Variants in SGCZ observed in about 807,000 individuals in gnomAD.
SGCZ encodes sarcoglycan zeta.
A neutral mutation model predicts 41.3 loss-of-function variants in SGCZ; 40 were observed. That is an observed-to-expected ratio of 0.97 (90% CI 0.75 to 1.26). The LOEUF (loss-of-function observed/expected upper bound fraction) is 1.26, where lower values mean the gene tolerates loss of function less well. Ranked by LOEUF, SGCZ falls within the 50% of genes most tolerant of loss-of-function variation. The pLI, the probability that SGCZ is intolerant of heterozygous loss-of-function variation, is 0.00. For synonymous variants in SGCZ, 206 were observed against 137.5 expected (o/e 1.50, Z -3.49); for missense variants, 552 against 369.8 (o/e 1.49, Z -4.04).
intron 1 of SGCZ, among the ~76,000 whole-genome samples, chr8:14,809,368 A>C (rs1801670745): frequency 6.6e-6 from 1 of 152,176 alleles, no homozygotes; most frequent in African/African-American, 2.4e-5. Flanking sequence ...TTTTGCTGGC[A>C]CTAAATGATT....
intron 1 of SGCZ, among the ~76,000 whole-genome samples, chr8:14,934,717 A>G (rs1800028620): frequency 6.6e-6 from 1 of 151,760 alleles, no homozygotes; most frequent in South Asian, 2.1e-4. Context: ...GTGATGAAAG[A>G]TATAAATTTT....
chr8:15,089,269 A>G (rs1214290890), intron 1 of SGCZ, among the ~76,000 whole-genome samples: 2 of 152,144 alleles, frequency 1.3e-5, no homozygotes, highest in African/African-American at 2.4e-5. Flanking sequence ...TTTTGTCTCC[A>G]TTGCTATTAT....
intron 1 of SGCZ, among the ~76,000 whole-genome samples, chr8:14,615,951 A>C (rs1156263713): frequency 6.6e-6 from 1 of 152,128 alleles, no homozygotes; most frequent in African/African-American, 2.4e-5. Context: ...AGTCCAGCTC[A>C]TGGATTAAGT....
chr8:14,737,770 T>A (rs577071930), intron 1 of SGCZ, among the ~76,000 whole-genome samples: 13 of 152,180 alleles, frequency 8.5e-5, no homozygotes, highest in African/African-American at 3.1e-4. Context: ...AATGACCTCA[T>A]TTTAACTTAA....
chr8:14,524,234 C>G (rs1455762893), intron 2 of SGCZ, among the ~76,000 whole-genome samples: 1 of 150,482 alleles, frequency 6.6e-6, no homozygotes, highest in African/African-American at 2.4e-5. Flanking sequence ...TTTTTTTCCT[C>G]TGGCACCACA....
chr8:14,578,957 G>A (rs1023042845), intron 1 of SGCZ, among the ~76,000 whole-genome samples: 1 of 152,028 alleles, frequency 6.6e-6, no homozygotes, highest in African/African-American at 2.4e-5. Context: ...TTAGGATCTA[G>A]GAAGGATAAA....
At position 14,421,312 on chromosome 8, in the gene SGCZ, T is replaced by A. The variant is rs145884125; in HGVS notation, c.235-97108A>T. 3.9e-5 allele frequency among the ~76,000 whole-genome samples: 6 copies of A among 152,224 alleles called. No homozygotes were observed. The East Asian group carries it at 1.2e-3, about 29-fold the overall frequency. On this transcript the variant is annotated intron_variant, in intron 2 of 7. Transcript: ENST00000382080. ...CCTTTAGTCTTCCTTCTCTTTATTA[T>A]ATAAAACAATATGAGGCAATTTGTA... is the stretch of plus-strand genomic sequence containing the variant.
intron 1 of SGCZ, among the ~76,000 whole-genome samples, chr8:14,659,455 A>G (rs1456325310): frequency 2.6e-5 from 4 of 152,184 alleles, no homozygotes; most frequent in Non-Finnish European, 5.9e-5. Context: ...TTTACAGGGT[A>G]TGATACAACA....
intron 4 of SGCZ, among the ~76,000 whole-genome samples, chr8:14,180,993 G>A (rs1804705816): frequency 1.3e-5 from 2 of 152,090 alleles, no homozygotes; most frequent in Non-Finnish European, 2.9e-5. Context: ...AATACCTGTA[G>A]AGCAGTCATA....
chr8:14,988,841 C>A (rs909503115), intron 1 of SGCZ, among the ~76,000 whole-genome samples: 2 of 152,140 alleles, frequency 1.3e-5, no homozygotes, highest in African/African-American at 4.8e-5. Context: ...CTGCTACCCT[C>A]ATTTATTTCT....
chr8:15,061,245 G>A (rs1243504637), intron 1 of SGCZ, among the ~76,000 whole-genome samples: 1 of 139,470 alleles, frequency 7.2e-6, no homozygotes, highest in Non-Finnish European at 1.6e-5. Context: ...TAGGATTAGA[G>A]CCCCTACAAA....
intron 1 of SGCZ, among the ~76,000 whole-genome samples, chr8:14,870,181 G>C (rs958490924): frequency 6.6e-6 from 1 of 152,084 alleles, no homozygotes; most frequent in Admixed American, 6.6e-5. Context: ...TATGATACAA[G>C]GCTATGGTAA....
intron 1 of SGCZ, among the ~76,000 whole-genome samples, chr8:15,097,814 ACGTGTGTGT>A: frequency 2.1e-5 from 2 of 94,030 alleles, no homozygotes; most frequent in African/African-American, 5.6e-5. Context: ...ATATATATAT[ACGTGTGTGT>A]ATATATATAT....
chr8:14,763,410 C>T (rs1313094630), intron 1 of SGCZ, among the ~76,000 whole-genome samples: 1 of 152,124 alleles, frequency 6.6e-6, no homozygotes, highest in Non-Finnish European at 1.5e-5. Context: ...TAATTTAATC[C>T]ATTGTCTCTT....
intron 1 of SGCZ, among the ~76,000 whole-genome samples, chr8:15,039,395 A>G (rs1803992729): frequency 1.3e-5 from 2 of 152,336 alleles, no homozygotes; most frequent in Non-Finnish European, 2.9e-5. Flanking sequence ...ACCGCATGAT[A>G]TTACTTACAT....
rs140611212 is a variant in SGCZ at position 14,486,333 on chromosome 8, C to T, written c.234+68399G>A. On this transcript the variant is annotated intron_variant, in intron 2 of 7. Transcript: ENST00000382080. Reference sequence around the variant, plus strand: ...AGTAAGAACCACTAAATACGGGTGTCTGGGAGAAGAAATGGAGCAGAGCCT... The same window carrying T: ...AGTAAGAACCACTAAATACGGGTGTTTGGGAGAAGAAATGGAGCAGAGCCT... Among the ~76,000 whole-genome samples the T allele has an allele frequency of 2.3e-3, 356 of 152,200 alleles. 1 individual carries two copies. Among genetic ancestry groups the T allele is most frequent in the African/African-American group, 8.2e-3 (342 of 41,538 alleles).
chr8:14,589,833 T>C (rs1585105041), intron 1 of SGCZ, among the ~76,000 whole-genome samples: 1 of 152,262 alleles, frequency 6.6e-6, no homozygotes, highest in East Asian at 1.9e-4. Flanking sequence ...TATGTGGAAA[T>C]TAAGGCCAAG....
chr8:14,978,235 A>G (rs1012205274), intron 1 of SGCZ, among the ~76,000 whole-genome samples: 2 of 151,368 alleles, frequency 1.3e-5, no homozygotes, highest in Admixed American at 6.6e-5. Flanking sequence ...TAGGAGGCTG[A>G]GGGGGGTGGA....
chr8:14,706,318 T>G (rs1322666771), intron 1 of SGCZ, among the ~76,000 whole-genome samples: 1 of 151,038 alleles, frequency 6.6e-6, no homozygotes, highest in African/African-American at 2.5e-5. Context: ...CTATTGGGAT[T>G]CTTTTTGACA....
Sources: allele counts gnomAD v4.1 joint callset (sites outside exome capture counted in the v4.1 genomes callset), GRCh38; gene constraint gnomAD v4.1.1; transcripts MANE v1.5; gene names NCBI Gene and HGNC (gene_info 2026-07-23, HGNC 2026-07-21).